Variants in C9orf153 observed in about 807,000 individuals in gnomAD.
The protein encoded by C9orf153 is uncharacterized protein C9orf153.
A neutral mutation model predicts 9.0 loss-of-function variants in C9orf153; 10 were observed. The ratio of observed to expected loss-of-function variants is 1.11; its 90% CI spans 0.69 to 1.89. The LOEUF is 1.89. C9orf153 is among the 40% of genes most tolerant of loss of function. C9orf153 has a pLI of 0.00. For synonymous variants in C9orf153, 35 were observed against 37.3 expected, an observed-to-expected ratio of 0.94 and a Z score of 0.23; for missense variants, 108 against 111.0, an observed-to-expected ratio of 0.97 and a Z score of 0.12.
chr9:86,254,090 CAAAAAAAAA>C (rs35119532), intron 1 of C9orf153, among the ~76,000 whole-genome samples: 2 of 108,216 alleles, frequency 1.8e-5, no homozygotes, highest in African/African-American at 3.5e-5. Context: ...GACTCCATTT[CAAAAAAAAA>C]AAAAAAAAAA....
chr9:86,229,384 C>G (rs1024477617), intron 2 of C9orf153, among the ~76,000 whole-genome samples, 154 bp downstream of exon 2: 11 of 152,132 alleles, frequency 7.2e-5, no homozygotes, highest in South Asian at 6.2e-4. Flanking sequence ...AGCTACACTT[C>G]TCTGTGACTA....
intron 1 of C9orf153, among the ~76,000 whole-genome samples, chr9:86,259,322 G>T (rs1028854343): frequency 9.9e-5 from 15 of 152,072 alleles, no homozygotes; most frequent in African/African-American, 3.6e-4. Context: ...GGCTCGGCCC[G>T]ATCAACTGGT....
chr9:86,259,245 C>A (rs1200625479), intron 1 of C9orf153, among the ~76,000 whole-genome samples: 1 of 152,036 alleles, frequency 6.6e-6, no homozygotes, highest in Non-Finnish European at 1.5e-5. Flanking sequence ...AGGATGAAGG[C>A]ACTGAGGTTG....
chr9:86,233,013 G>T (rs1371683218), intron 1 of C9orf153, among the ~76,000 whole-genome samples: 1 of 151,992 alleles, frequency 6.6e-6, no homozygotes, highest in Non-Finnish European at 1.5e-5. Flanking sequence ...GATTACAAGC[G>T]TGCACCATTG....
At chr9:86,223,015 C>A (rs937424445) in intron 3 of C9orf153, among the ~76,000 whole-genome samples, 2 of 152,112 alleles carry the variant, frequency 1.3e-5, no homozygotes, top group African/African-American at 4.8e-5. Flanking sequence ...AGAGACTCTT[C>A]GTTGGGCTCA....
intron 1 of C9orf153, among the ~76,000 whole-genome samples, chr9:86,235,797 T>G (rs1339867322): frequency 2.7e-5 from 1 of 36,814 alleles, no homozygotes; most frequent in Admixed American, 2.7e-4. Flanking sequence ...CACTGGAAAA[T>G]AAATGGTAAC....
chr9:86,227,204 TG>T, intron 3 of C9orf153: 1 of 921,136 alleles, frequency 1.1e-6, no homozygotes, highest in Non-Finnish European at 1.4e-6. Flanking sequence ...TGAAATGCAG[TG>T]GTGTGATCAT....
At chr9:86,243,223 C>T (rs1238409973) in intron 1 of C9orf153, among the ~76,000 whole-genome samples, 2 of 152,070 alleles carry the variant, frequency 1.3e-5, no homozygotes, top group Non-Finnish European at 2.9e-5. Flanking sequence ...GAACATGAAA[C>T]AAGATTTGAA....
At chr9:86,237,391 G>A (rs1824620346) in intron 1 of C9orf153, among the ~76,000 whole-genome samples, 1 of 152,166 alleles carries the variant, frequency 6.6e-6, no homozygotes, top group East Asian at 1.9e-4. Flanking sequence ...GAAACAGAGA[G>A]TGTCAGAGTG....
At chr9:86,254,873 TG>T (rs1825079001) in intron 1 of C9orf153, among the ~76,000 whole-genome samples, 1 of 152,126 alleles carries the variant, frequency 6.6e-6, no homozygotes, top group Admixed American at 6.6e-5. Context: ...CCAGCCAGCC[TG>T]GCAAACATGG....
At chr9:86,233,710 C>T (rs1824518730) in intron 1 of C9orf153, among the ~76,000 whole-genome samples, 1 of 152,330 alleles carries the variant, frequency 6.6e-6, no homozygotes. Context: ...AGCCACTGTG[C>T]TCGTCCAATT....
chr9:86,258,465 T>C (rs775382232), intron 1 of C9orf153: 2 of 152,078 alleles, frequency 1.3e-5, no homozygotes, highest in African/African-American at 4.8e-5. Flanking sequence ...GTGCAGCTAC[T>C]CATATACCCT....
chr9:86,232,776 A>T (rs1267559244), intron 1 of C9orf153, among the ~76,000 whole-genome samples: 1 of 152,076 alleles, frequency 6.6e-6, no homozygotes, highest in South Asian at 2.1e-4. Context: ...TCTGTCACCC[A>T]GGCTGGAGTA....
chr9:86,253,226 G>C lies in C9orf153; in HGVS notation c.-27+6324C>G, dbSNP rs1825033811. 2.0e-5 allele frequency among the ~76,000 whole-genome samples: 3 copies of C among 152,296 alleles called. No homozygotes were observed. In the South Asian group the frequency reaches 6.2e-4, roughly 32 times the overall value. The stretch of plus-strand genomic sequence containing the variant: ...CTTTGACTGGAATGACATAATTTTG[G>C]ATATGAGCAGACTGCTTTGAGGAAT... On this transcript the variant is annotated intron_variant, in intron 1 of 3. Transcript: ENST00000339137.
chr9:86,258,049 T>C (rs948707382), intron 1 of C9orf153, among the ~76,000 whole-genome samples: 5 of 152,148 alleles, frequency 3.3e-5, no homozygotes, highest in Non-Finnish European at 7.4e-5. Context: ...CCTTTATTAC[T>C]AAAATTTTTG....
At chr9:86,247,277 C>T (rs1193813276) in intron 1 of C9orf153, among the ~76,000 whole-genome samples, 1 of 152,146 alleles carries the variant, frequency 6.6e-6, no homozygotes, top group African/African-American at 2.4e-5. Context: ...TTTTTGCTCT[C>T]TCTCTTTTTT....
chr9:86,223,772 G>A (rs1182640133), intron 3 of C9orf153, among the ~76,000 whole-genome samples: 1 of 152,192 alleles, frequency 6.6e-6, no homozygotes, highest in African/African-American at 2.4e-5. Flanking sequence ...ACTGGAATGT[G>A]GCCACAGCCT....
At chr9:86,222,761 C>T (rs544607672) in intron 3 of C9orf153, among the ~76,000 whole-genome samples, 4 of 152,182 alleles carry the variant, frequency 2.6e-5, no homozygotes, top group African/African-American at 4.8e-5. Flanking sequence ...CAACGGGCCA[C>T]GGGAACAAGT....
chr9:86,224,955 A>C (rs1021337423), intron 3 of C9orf153, among the ~76,000 whole-genome samples: 9 of 151,378 alleles, frequency 5.9e-5, no homozygotes, highest in African/African-American at 2.2e-4. Flanking sequence ...AAAAAAAAAA[A>C]AAAAAGCATT....
Sources: gnomAD v4.1 joint callset for allele counts (sites outside exome capture counted in the v4.1 genomes callset) on GRCh38, gnomAD v4.1.1 for gene constraint, MANE v1.5 for transcripts, NCBI Gene and HGNC (gene_info 2026-07-23, HGNC 2026-07-21) for gene names.